CFAP299: variants seen among roughly 807,000 people sequenced by gnomAD.
CFAP299 encodes cilia- and flagella-associated protein 299.
Under a neutral mutation model 27.0 loss-of-function variants are expected in CFAP299, and 21 were observed. The observed-to-expected ratio is 0.78, with a 90% CI of 0.55 to 1.12. CFAP299 has a LOEUF of 1.12. Ranked by LOEUF, CFAP299 falls within the 50% of genes most tolerant of loss-of-function variation. The probability of loss-of-function intolerance (pLI) is 0.00; values close to 1 mark genes in which losing one functional copy is unlikely to be tolerated. For synonymous variants in CFAP299, 104 were observed against 98.1 expected, an observed-to-expected ratio of 1.06 and a Z score of -0.36; for missense variants, 310 against 276.6, an observed-to-expected ratio of 1.12 and a Z score of -0.86.
intron 3 of CFAP299, among the ~76,000 whole-genome samples, chr4:80,748,258 C>T (rs372062367): frequency 6.6e-6 from 1 of 152,088 alleles, no homozygotes; most frequent in Non-Finnish European, 1.5e-5. Flanking sequence ...ATAAATAGCC[C>T]TCTAATTAGT....
chr4:80,468,362 T>C (rs1729816141), intron 2 of CFAP299, among the ~76,000 whole-genome samples: 1 of 151,892 alleles, frequency 6.6e-6, no homozygotes, highest in Non-Finnish European at 1.5e-5. Context: ...TAGCTGGAAT[T>C]ACAGGTGCCC....
intron 2 of CFAP299, among the ~76,000 whole-genome samples, chr4:80,535,020 A>G (rs967081906): frequency 3.9e-5 from 6 of 152,190 alleles, no homozygotes; most frequent in South Asian, 2.1e-4. Flanking sequence ...AGATTAAAAG[A>G]GAACTGTCAT....
intron 3 of CFAP299, among the ~76,000 whole-genome samples, chr4:80,720,841 TAA>T (rs1018971817): frequency 2.0e-5 from 3 of 152,074 alleles, no homozygotes; most frequent in African/African-American, 7.2e-5. Flanking sequence ...TTCATGATAT[TAA>T]AAGTTTTTAT....
intron 2 of CFAP299, among the ~76,000 whole-genome samples, chr4:80,389,674 A>G (rs1725220973): frequency 6.6e-6 from 1 of 152,192 alleles, no homozygotes; most frequent in Admixed American, 6.5e-5. Flanking sequence ...ATATTCTGAT[A>G]CCACATTGGC....
rs547490309 is a variant in CFAP299 at position 80,621,885 on chromosome 4, T to A, written c.333+38702T>A. On this transcript the variant is annotated intron_variant, in intron 3 of 5. Transcript: ENST00000358105. ...AATAAGAATTTGTGGGATGGTGGGG[T>A]GAGGACTGCTAAGGGGAGCATATGG... 7.8e-4 allele frequency among the ~76,000 whole-genome samples: 118 copies of A among 151,958 alleles called. No homozygotes were observed. In the Middle Eastern group the frequency reaches 0.014, roughly 18 times the overall value.
chr4:80,607,026 G>A (rs1410310644), intron 3 of CFAP299, among the ~76,000 whole-genome samples: 1 of 152,166 alleles, frequency 6.6e-6, no homozygotes, highest in Non-Finnish European at 1.5e-5. Context: ...GAGGAAGGAA[G>A]AAGAAAAGAA....
chr4:80,921,499 A>G (rs771279677), intron 4 of CFAP299, among the ~76,000 whole-genome samples: 1 of 152,076 alleles, frequency 6.6e-6, no homozygotes, highest in African/African-American at 2.4e-5. Flanking sequence ...GAACAAGGGC[A>G]TAAAACTGAA....
intron 2 of CFAP299, among the ~76,000 whole-genome samples, chr4:80,446,082 G>T (rs1008276456): frequency 6.6e-6 from 1 of 152,180 alleles, no homozygotes; most frequent in Non-Finnish European, 1.5e-5. Context: ...TGCTTGACAT[G>T]TATTAGGGAA....
Position 80,553,206 on chromosome 4 carries a change from T to C in CFAP299, c.243-29887T>C, listed in dbSNP as rs923213772. ...TCTATTGTTCCTTTCTTTGTGTTCA[T>C]GAGTTCTCATACGCACTAATAAATG... On this transcript the variant is annotated intron_variant, in intron 2 of 5. Transcript: ENST00000358105. 2.6e-5 allele frequency among the ~76,000 whole-genome samples: 4 copies of C among 152,240 alleles called. No individual in the cohort carries two copies. The South Asian group carries it at 8.3e-4, about 32-fold the overall frequency.
chr4:80,453,991 A>G (rs533571308), intron 2 of CFAP299, among the ~76,000 whole-genome samples: 1 of 152,160 alleles, frequency 6.6e-6, no homozygotes, highest in African/African-American at 2.4e-5. Flanking sequence ...AAGATAGCAT[A>G]CTGATCACGT....
chr4:80,414,666 A>G (rs963662783), intron 2 of CFAP299, among the ~76,000 whole-genome samples: 1 of 152,188 alleles, frequency 6.6e-6, no homozygotes, highest in African/African-American at 2.4e-5. Flanking sequence ...TGCTACGGCT[A>G]AAGTATTGTC....
chr4:80,492,470 TC>T (rs1447750869), intron 2 of CFAP299, among the ~76,000 whole-genome samples: 4 of 152,180 alleles, frequency 2.6e-5, no homozygotes. Context: ...GTTTTGAGGA[TC>T]CAGGTAAAAT....
intron 3 of CFAP299, among the ~76,000 whole-genome samples, chr4:80,822,389 A>T (rs1729753000): frequency 6.6e-6 from 1 of 152,212 alleles, no homozygotes; most frequent in Non-Finnish European, 1.5e-5. Context: ...GATTTAAGTT[A>T]GTGATAGATC....
intron 2 of CFAP299, among the ~76,000 whole-genome samples, chr4:80,409,820 T>G (rs966563677): frequency 1.3e-5 from 2 of 152,124 alleles, no homozygotes; most frequent in Admixed American, 1.3e-4. Context: ...CACTATATTT[T>G]TGGAAAAAAA....
intron 3 of CFAP299, among the ~76,000 whole-genome samples, chr4:80,835,680 A>G (rs1730526021): frequency 6.6e-6 from 1 of 152,108 alleles, no homozygotes; most frequent in South Asian, 2.1e-4. Context: ...CCCAAATACC[A>G]TCACAAGTGT....
intron 3 of CFAP299, among the ~76,000 whole-genome samples, chr4:80,673,842 C>CTT (rs201682901): frequency 0.015 from 1,930 of 128,716 alleles, 40 homozygotes; most frequent in African/African-American, 0.045. Context: ...CAAACTCTGC[C>CTT]TTTTTTTTTT....
chr4:80,414,064 C>CTTTTT lies in CFAP299; in HGVS notation c.242+51200_242+51204dup, dbSNP rs1170153950. On this transcript the variant is annotated intron_variant, in intron 2 of 5. Transcript: ENST00000358105. ...GCATGCAAGAAACAAATGGGTATTT[C>CTTTTT]TTTTTTTTTTTTTTTTTTTTTTTTG... Among the ~76,000 whole-genome samples the CTTTTT allele has an allele frequency of 7.2e-3, 449 of 62,322 alleles. 3 individuals carry two copies. The highest frequency in any genetic ancestry group is 0.038 in the Middle Eastern group (4 of 106). 40.9% of individuals were successfully genotyped at this position (62,322 alleles called of 152,430 possible).
chr4:80,871,195 C>A, intron 4 of CFAP299: 1 of 985,434 alleles, frequency 1.0e-6, no homozygotes, highest in South Asian at 4.7e-5. Context: ...GCGTCAGCCA[C>A]CGAGCCTGAC....
chr4:80,480,804 G>A (rs1446442733), intron 2 of CFAP299, among the ~76,000 whole-genome samples: 3 of 151,864 alleles, frequency 2.0e-5, no homozygotes, highest in Non-Finnish European at 2.9e-5. Context: ...CTGATCATTT[G>A]CAATTCAACC....
Sources: allele counts gnomAD v4.1 joint callset (sites outside exome capture counted in the v4.1 genomes callset), GRCh38; gene constraint gnomAD v4.1.1; transcripts MANE v1.5; gene names NCBI Gene and HGNC (gene_info 2026-07-23, HGNC 2026-07-21).